Variants in MYBBP1A observed in about 807,000 individuals in gnomAD.
MYBBP1A encodes the protein MYB binding protein 1a.
Under a neutral mutation model 136.3 loss-of-function variants are expected in MYBBP1A, and 147 were observed. That is an observed-to-expected ratio of 1.08 (90% confidence interval 0.94 to 1.24). MYBBP1A has a LOEUF of 1.24. Ranked by LOEUF, MYBBP1A falls within the 50% of genes most tolerant of loss-of-function variation. MYBBP1A has a pLI of 0.00. For missense variants in MYBBP1A, 2,060 were observed against 1,727.4 expected (o/e 1.19, Z -3.41); for synonymous variants, 947 against 735.8 (o/e 1.29, Z -4.65).
chr17:4,543,119 G>A lies in MYBBP1A; in HGVS notation c.2686C>T (p.Arg896Cys), dbSNP rs767507272. 85 of 1,611,882 alleles carry A rather than the reference G, an allele frequency of 5.3e-5. No homozygotes were observed. The highest frequency in any genetic ancestry group is 3.3e-4 in the Middle Eastern group (2 of 6,056). The change falls in exon 20 of 26, where the codon CGC (arginine) becomes TGC (cysteine). Residue 896 changes from arginine to cysteine, a missense_variant. Physicochemically the swap from Arg to Cys is radical, Grantham distance 180. Transcript: ENST00000254718. ...ARRYCHDLGE[R>C]AGALHAQVER... ...ACCTGGGCGTGCAGGGCCCCTGCGC[G>A]CTCACCCAAGTCGTGGCAGTAGCGC...
intron 13 of MYBBP1A, among the ~76,000 whole-genome samples, chr17:4,547,510 G>A (rs1907110483): frequency 6.6e-6 from 1 of 152,172 alleles, no homozygotes; most frequent in Non-Finnish European, 1.5e-5. Context: ...AAGACCTAAA[G>A]CAGCCCCAAT....
intron 23 of MYBBP1A, 22 bp from the exon 24 acceptor site, chr17:4,541,586 G>C: frequency 6.2e-7 from 1 of 1,605,794 alleles, no homozygotes; most frequent in Non-Finnish European, 8.5e-7. Context: ...TGGCCAGGCT[G>C]AGGCACTCCG....
Position 4,539,354 on chromosome 17 carries a change from A to T in MYBBP1A, c.*61T>A. 1 of 1,503,296 alleles carries T rather than the reference A, an allele frequency of 6.7e-7. No individual in the cohort carries two copies. Among genetic ancestry groups the T allele is most frequent in the Non-Finnish European group, 8.8e-7 (1 of 1,132,860 alleles). The allele number at this position is 1,503,296 out of a possible 1,614,324, so 93.1% of individuals were successfully genotyped here. A position where few individuals can be genotyped will look rare whatever the true frequency, so the allele number is the denominator to read the frequency against. ...ATTAAAATCATGGTTTAAAAAAAAA[A>T]AAAAAAAATAGGCGTCTCAGGCAGA... On this transcript the variant is annotated 3_prime_UTR_variant, in exon 26 of 26. Coordinates refer to ENST00000254718, the MANE Select transcript of MYBBP1A (RefSeq NM_014520.4).
intron 13 of MYBBP1A, chr17:4,547,538 TGA>T (rs930890239): frequency 1.8e-5 from 3 of 165,840 alleles, no homozygotes; most frequent in African/African-American, 7.2e-5. Flanking sequence ...GCTTATGTCA[TGA>T]GAAGAAAACT....
chr17:4,554,760 C>A, intron 2 of MYBBP1A, 101 bp downstream of exon 2: 1 of 1,157,438 alleles, frequency 8.6e-7, no homozygotes, highest in South Asian at 1.4e-5. Flanking sequence ...ACCTCTCTCT[C>A]GGGCTGCCCC....
chr17:4,554,263 CAA>C lies in MYBBP1A; in HGVS notation c.308_309del (p.Phe103Ter). 6.2e-7 allele frequency: 1 copy of C among 1,613,992 alleles called. No individual in the cohort carries two copies. The highest frequency in any genetic ancestry group is 8.5e-7 in the Non-Finnish European group (1 of 1,179,992). On this transcript the variant is annotated frameshift_variant, in exon 3 of 26. Coordinates refer to ENST00000254718, the MANE Select transcript of MYBBP1A (RefSeq NM_014520.4). LOFTEE classifies it high-confidence loss of function. Reference sequence around the variant, plus strand: ...AGGATGCTGCACAAGGGGAGGTCTTCAAAAGACTGTAACAGCTGCCAGGAGTT... The same window carrying C: ...AGGATGCTGCACAAGGGGAGGTCTTCAAGACTGTAACAGCTGCCAGGAGTT... ...SLALAQLLQS[F>X]EDLPLCSILQ...
At chr17:4,541,621 T>G in intron 23 of MYBBP1A, 57 bp from the exon 24 acceptor site, 1 of 1,571,944 alleles carries the variant, frequency 6.4e-7, no homozygotes, top group Non-Finnish European at 8.7e-7. Context: ...GCCTTTCTGT[T>G]TCCCAGCCGG....
rs1021750021 is a variant in MYBBP1A at position 4,543,150 on chromosome 17, A to G, written c.2655T>C (p.Arg885=). The G allele has an allele frequency of 9.3e-6, 15 of 1,607,986 alleles. No individual in the cohort carries two copies. The highest frequency in any genetic ancestry group is 1.3e-5 in the Non-Finnish European group (15 of 1,177,694). ...TARIFTHHLC[R]ARRYCHDLGE... is the part of the protein sequence containing the mutation. The stretch of plus-strand genomic sequence containing the variant: ...CCAAGTCGTGGCAGTAGCGCCGGGC[A>G]CGGCACAGGTGGTGCCTGTGGGTGG... The change falls in exon 20 of 26, where the codon CGT becomes CGC. Residue 885 remains arginine (R), a synonymous_variant. Coordinates refer to ENST00000254718, the MANE Select transcript of MYBBP1A (RefSeq NM_014520.4).
At chr17:4,551,293 T>C (rs1213788679) in intron 8 of MYBBP1A, among the ~76,000 whole-genome samples, 1 of 152,210 alleles carries the variant, frequency 6.6e-6, no homozygotes, top group Non-Finnish European at 1.5e-5. Flanking sequence ...TGCCCAAACA[T>C]GGTCATGACG....
intron 8 of MYBBP1A, among the ~76,000 whole-genome samples, chr17:4,550,631 C>T (rs1375600277): frequency 1.3e-5 from 2 of 152,288 alleles, no homozygotes; most frequent in Non-Finnish European, 2.9e-5. Flanking sequence ...GCCCCAGCTT[C>T]AGCACCTCCG....
chr17:4,544,432 T>C, intron 19 of MYBBP1A, 57 bp downstream of exon 19: 1 of 1,536,064 alleles, frequency 6.5e-7, no homozygotes. Context: ...GAGCTCTGGC[T>C]CTCCTGCGCC....
At chr17:4,546,546 C>T (rs778928201) in intron 13 of MYBBP1A, among the ~76,000 whole-genome samples, 11 of 152,184 alleles carry the variant, frequency 7.2e-5, no homozygotes, top group Non-Finnish European at 1.5e-4. Flanking sequence ...TGGTCAGGGT[C>T]CCAGAGAAGC....
Position 4,545,733 on chromosome 17 carries a change from C to T in MYBBP1A, c.1950G>A (p.Val650=). Residue 650 remains valine, a synonymous_variant, in exon 15 of 26, where the codon GTG becomes GTA. Coordinates refer to ENST00000254718, the MANE Select transcript of MYBBP1A (RefSeq NM_014520.4). The stretch of plus-strand genomic sequence containing the variant: ...ACAGGGCCAGCAAGATCTCCACCAG[C>T]ACCTCTACCCACGGGGGTTCCTGGG... ...IDPQEPPWVE[V]LVEILLALLA... 2 of 1,607,810 alleles carry T rather than the reference C, an allele frequency of 1.2e-6. No individual in the cohort carries two copies. Among genetic ancestry groups the T allele is most frequent in the Non-Finnish European group, 1.7e-6 (2 of 1,176,290 alleles).
chr17:4,540,136 GTCCTGCGAGGGTCCTGCGAGGC>G (rs1370579088), intron 25 of MYBBP1A, among the ~76,000 whole-genome samples, 169 bp from the exon 26 acceptor site: 142 of 150,378 alleles, frequency 9.4e-4, no homozygotes, highest in African/African-American at 2.8e-3. Flanking sequence ...AGGCCCCTGG[GTCCTGCGAGGGTCCTGCGAGGC>G]TCCTGCGAGG....
At position 4,555,135 on chromosome 17, in the gene MYBBP1A, T is replaced by A. The variant is rs1193647049; in HGVS notation, c.190A>T (p.Arg64Trp). Residue 64 changes from arginine (R) to tryptophan (W), a missense_variant, in exon 1 of 26, where the codon AGG (arginine) becomes TGG (tryptophan). Coordinates refer to ENST00000254718, the MANE Select transcript of MYBBP1A (RefSeq NM_014520.4). ...AGACCCCGCCACTCCACCTTCGGCC[T>A]GCCACGCAGATACTCCAGCAGCTTC... ...TEKLLEYLRG[R>W]PKGSEMKYAL... The A allele has an allele frequency of 1.9e-6, 3 of 1,592,352 alleles. No homozygotes were observed.
chr17:4,540,879 G>A (rs145868599), intron 24 of MYBBP1A, among the ~76,000 whole-genome samples: 125 of 148,216 alleles, frequency 8.4e-4, no homozygotes, highest in Middle Eastern at 3.5e-3. Context: ...GCCAGCTTCC[G>A]GGAGCCCTGC....
In MYBBP1A at chr17:4,542,539, G is replaced by C; in HGVS notation, c.3019-7C>G. On this transcript the variant is annotated splice_region_variant and splice_polypyrimidine_tract_variant and intron_variant, in intron 21 of 25. Transcript: ENST00000254718. ...GCAGGCTCTGACAGAGCACCTGGTGGGGAGTGACAAGGGCTGTGAGGTGCA... is the reference window on the plus strand; with the variant it reads ...GCAGGCTCTGACAGAGCACCTGGTGCGGAGTGACAAGGGCTGTGAGGTGCA... The C allele has an allele frequency of 1.2e-6, 2 of 1,612,392 alleles. No homozygotes were observed. The highest frequency in any genetic ancestry group is 1.7e-6 in the Non-Finnish European group (2 of 1,178,856).
In MYBBP1A at chr17:4,545,706, C is replaced by T. The variant is rs1906947893; in HGVS notation, c.1977G>A (p.Leu659=). The change falls in exon 15 of 26, where the codon TTG becomes TTA. Residue 659 remains leucine, a synonymous_variant. Coordinates refer to ENST00000254718, the MANE Select transcript of MYBBP1A (RefSeq NM_014520.4). ...EVLVEILLAL[L]AQPSHLMRQV... is the part of the protein sequence containing the mutation. ...GGCGCATGAGGTGGCTGGGCTGGGC[C>T]AACAGGGCCAGCAAGATCTCCACCA... 5.0e-6 allele frequency: 8 copies of T among 1,610,230 alleles called. No individual in the cohort carries two copies. The highest frequency in any genetic ancestry group is 6.8e-6 in the Non-Finnish European group (8 of 1,177,746).
rs1481254493 is a variant in MYBBP1A at position 4,552,086 on chromosome 17, C to T, written c.905+39G>A. 3.7e-6 allele frequency: 6 copies of T among 1,602,658 alleles called. No individual in the cohort carries two copies. The highest frequency in any genetic ancestry group is 2.7e-5 in the African/African-American group (2 of 74,778). ...CTAGTGGCCTAGCCCACTTCACGGA[C>T]AGGGAAGGGGGCCGAGAGAGGACAC... On this transcript the variant is annotated intron_variant, in intron 7 of 25. Coordinates refer to ENST00000254718, the MANE Select transcript of MYBBP1A (RefSeq NM_014520.4). This position sits in a 1 kb window ranked among gnomAD's most constrained non-coding sequence, Gnocchi z 4.7.
Sources: allele counts gnomAD v4.1 joint callset (sites outside exome capture counted in the v4.1 genomes callset), GRCh38; gene constraint gnomAD v4.1.1; non-coding constraint Gnocchi (gnomAD v3.1); transcripts MANE v1.5; gene names NCBI Gene and HGNC (gene_info 2026-07-23, HGNC 2026-07-21).